GCM2: variants seen among roughly 807,000 people sequenced by gnomAD.
The protein encoded by GCM2 is chorion-specific transcription factor GCMb.
In GCM2, 21 loss-of-function variants were observed where a neutral mutation model predicts 24.8. The observed-to-expected ratio is 0.85, with a 90% CI of 0.60 to 1.22. GCM2 has a LOEUF of 1.22. Among genes scored for constraint, GCM2 ranks in the 50% most tolerant of loss-of-function variants. The probability of loss-of-function intolerance (pLI) is 0.00; values close to 1 mark genes in which losing one functional copy is unlikely to be tolerated. For synonymous variants in GCM2, 222 were observed against 238.0 expected (o/e 0.93, Z 0.62); for missense variants, 532 against 645.6 (o/e 0.82, Z 1.91).
chr6:10,878,426 C>A (rs1311427106), intron 1 of GCM2, among the ~76,000 whole-genome samples: 2 of 152,152 alleles, frequency 1.3e-5, no homozygotes, highest in African/African-American at 4.8e-5. Flanking sequence ...TCAAGTGATT[C>A]TCCTGCCTCA....
Position 10,874,524 on chromosome 6 carries a change from T to G in GCM2, c.992A>C (p.His331Pro), listed in dbSNP as rs777745508. 2 of 1,614,232 alleles carry G rather than the reference T, an allele frequency of 1.2e-6. No homozygotes were observed. The highest frequency in any genetic ancestry group is 3.3e-5 in the Admixed American group (2 of 60,024). ...TTTTCCAAGAGCTGGTTTCCAGCCATGCTGTTTGTTGGTGAAATCAAAGCT... is the reference window on the plus strand; with the variant it reads ...TTTTCCAAGAGCTGGTTTCCAGCCAGGCTGTTTGTTGGTGAAATCAAAGCT... Reference protein sequence around the residue: ...ERSFDFTNKQHGWKPALGKPS... With the variant: ...ERSFDFTNKQPGWKPALGKPS... The change falls in exon 5 of 5, where the codon CAT becomes CCT. Residue 331 changes from histidine to proline, a missense_variant. By Grantham distance (77) the His-to-Pro change is moderately conservative. This residue lies in a region of GCM2 where 434 missense variants were observed against 521.9 expected (regional missense o/e 0.83). Transcript: ENST00000379491.
Position 10,875,944 on chromosome 6 carries a change from T to C in GCM2, c.529A>G (p.Arg177Gly), listed in dbSNP as rs149712971. 6.2e-7 allele frequency: 1 copy of C among 1,613,840 alleles called. No individual in the cohort carries two copies. The highest frequency in any genetic ancestry group is 1.3e-5 in the African/African-American group (1 of 75,034). ...GGTTGGTAGAAAGAGGCCATTTGTC[T>C]CTTGATGGCGCTTCTTCTAGCTTCT... ...ETEARRSAIK[R>G]QMASFYQPQK... is the part of the protein sequence containing the mutation. Residue 177 changes from arginine (R) to glycine (G), a missense_variant, in exon 4 of 5, where the codon AGA (arginine) becomes GGA (glycine). Transcript: ENST00000379491.
In GCM2 at chr6:10,873,361, G is replaced by A. The variant is rs76143708; in HGVS notation, c.*634C>T. 0.016 allele frequency: 2,399 copies of A among 154,532 alleles called. 72 individuals carry two copies. The highest frequency in any genetic ancestry group is 0.053 in the African/African-American group (2,204 of 41,554). The allele number at this position is 154,532 out of a possible 1,614,324, so 9.6% of individuals were successfully genotyped here. On this transcript the variant is annotated 3_prime_UTR_variant, in exon 5 of 5. Transcript: ENST00000379491. The stretch of plus-strand genomic sequence containing the variant: ...TATGGAAACTATCATGTTATGAAAA[G>A]GTTATGAAAAGGTTAGGAAACTATC...
chr6:10,873,862 A>G lies in GCM2; in HGVS notation c.*133T>C. ...CAACTGATTATTTTCTCAGTTACTC[A>G]GAATTTTTACTACTATCTGTGTTTC... On this transcript the variant is annotated 3_prime_UTR_variant, in exon 5 of 5. Coordinates refer to ENST00000379491, the MANE Select transcript of GCM2 (RefSeq NM_004752.4). 1 of 743,160 alleles carries G rather than the reference A, an allele frequency of 1.3e-6. No homozygotes were observed. Among genetic ancestry groups the G allele is most frequent in the Admixed American group, 2.0e-5 (1 of 49,602 alleles). The allele number at this position is 743,160 out of a possible 1,614,324, so 46.0% of individuals were successfully genotyped here.
intron 1 of GCM2, among the ~76,000 whole-genome samples, chr6:10,881,346 C>T (rs1398086875): frequency 1.3e-5 from 2 of 151,892 alleles, no homozygotes; most frequent in Non-Finnish European, 1.5e-5. Flanking sequence ...TTGGTAGAGA[C>T]GGGGTTTCTC....
At chr6:10,878,323 T>A (rs1267219727) in intron 1 of GCM2, among the ~76,000 whole-genome samples, 2 of 152,166 alleles carry the variant, frequency 1.3e-5, no homozygotes, top group East Asian at 3.8e-4. Flanking sequence ...AGCACTTCCT[T>A]TTTTCTTTTT....
intron 1 of GCM2, among the ~76,000 whole-genome samples, chr6:10,881,308 G>A (rs920022484): frequency 6.6e-6 from 1 of 151,956 alleles, no homozygotes; most frequent in Non-Finnish European, 1.5e-5. Context: ...TTAGGCATGC[G>A]CCACCACGCT....
Position 10,881,865 on chromosome 6 carries a change from G to A in GCM2, c.-72C>T. On this transcript the variant is annotated 5_prime_UTR_variant, in exon 1 of 5. Transcript: ENST00000379491. ...AGAAAAAAGGACAGGTGCGCCAGGT[G>A]GGTTTTTTTTCTTCTCTTTAAAGAA... The A allele has an allele frequency of 1.6e-6, 2 of 1,276,188 alleles. No homozygotes were observed. The highest frequency in any genetic ancestry group is 2.4e-5 in the South Asian group (2 of 82,782). The allele number at this position is 1,276,188 out of a possible 1,614,324, so 79.1% of individuals were successfully genotyped here.
chr6:10,881,753 G>A lies in GCM2; in HGVS notation c.41C>T (p.Ser14Phe). ...AAVQEAVGVC[S>F]YGMQLSWDIN... ...GTCCCAGCTGAGCTGCATCCCGTAG[G>A]AGCACACGCCGACCGCTTCCTGCAC... is the stretch of plus-strand genomic sequence containing the variant. The change falls in exon 1 of 5, where the codon TCC becomes TTC. Residue 14 changes from serine to phenylalanine, a missense_variant. Physicochemically the swap from Ser to Phe is radical, Grantham distance 155 (BLOSUM62 -2). This residue lies in a region of GCM2 where 96 missense variants were observed against 103.5 expected (regional missense o/e 0.93). Coordinates refer to ENST00000379491, the MANE Select transcript of GCM2 (RefSeq NM_004752.4). The A allele has an allele frequency of 1.2e-6, 2 of 1,610,936 alleles. No homozygotes were observed. The highest frequency in any genetic ancestry group is 8.5e-7 in the Non-Finnish European group (1 of 1,179,998).
In GCM2 at chr6:10,876,759, G is replaced by T. The variant is rs571830066; in HGVS notation, c.344-202C>A. On this transcript the variant is annotated intron_variant, in intron 2 of 4. Transcript: ENST00000379491. ...AGCCTGACCAACATGGAGAAACCTT[G>T]TCTCTACTAAAAATACAAAATTAGC... Among the ~76,000 whole-genome samples, 3 of 152,038 alleles carry T rather than the reference G, an allele frequency of 2.0e-5. No individual in the cohort carries two copies. The South Asian group carries it at 6.2e-4, about 32-fold the overall frequency.
Position 10,875,005 on chromosome 6 carries a change from T to A in GCM2, c.583-72A>T, listed in dbSNP as rs2076257. ...GACACCCTCACCTGTAACAATAGCCTAGAAGTAAGTAAAAACAGACATCCA... is the reference window on the plus strand; with the variant it reads ...GACACCCTCACCTGTAACAATAGCCAAGAAGTAAGTAAAAACAGACATCCA... On this transcript the variant is annotated intron_variant, in intron 4 of 4. Transcript: ENST00000379491. 0.36 allele frequency: 377,635 copies of A among 1,034,880 alleles called. 72,693 individuals carry two copies. The highest frequency in any genetic ancestry group is 0.67 in the East Asian group (27,931 of 41,994). The allele number at this position is 1,034,880 out of a possible 1,614,324, so 64.1% of individuals were successfully genotyped here.
At position 10,874,288 on chromosome 6, in the gene GCM2, T is replaced by C; in HGVS notation, c.1228A>G (p.Ser410Gly). 9 of 1,614,194 alleles carry C rather than the reference T, an allele frequency of 5.6e-6. No homozygotes were observed. Among genetic ancestry groups the C allele is most frequent in the Non-Finnish European group, 7.6e-6 (9 of 1,180,044 alleles). Residue 410 changes from serine to glycine, a missense_variant, in exon 5 of 5, where the codon AGC becomes GGC. This residue lies in a region of GCM2 where 434 missense variants were observed against 521.9 expected (regional missense o/e 0.83). Coordinates refer to ENST00000379491, the MANE Select transcript of GCM2 (RefSeq NM_004752.4). ...KYSDSVREVK[S>G]LSSCNYAPED... The stretch of plus-strand genomic sequence containing the variant: ...GGAGCATAGTTACAGCTCGAAAGGC[T>C]CTTCACCTCTCGCACACTGTCACTG...
chr6:10,881,319 G>C (rs1047508953), intron 1 of GCM2, among the ~76,000 whole-genome samples: 3 of 152,084 alleles, frequency 2.0e-5, no homozygotes, highest in African/African-American at 7.2e-5. Flanking sequence ...CCACCACGCT[G>C]GGCTGATTTT....
chr6:10,876,518 A>T lies in GCM2; in HGVS notation c.383T>A (p.Ile128Asn). The T allele has an allele frequency of 6.2e-7, 1 of 1,613,964 alleles. No homozygotes were observed. The highest frequency in any genetic ancestry group is 8.5e-7 in the Non-Finnish European group (1 of 1,179,814). The stretch of plus-strand genomic sequence containing the variant: ...GTATCCGCTGTGCCCTCGACAAGGA[A>T]TCAACTCCAAAGCAGAATGACAGTT... ...CPNCHSALEL[I>N]PCRGHSGYPV... The change falls in exon 3 of 5, where the codon ATT becomes AAT. Residue 128 changes from isoleucine to asparagine, a missense_variant. Around this residue, in one of 3 missense-constraint regions of GCM2, gnomAD observed 434 missense variants for 521.9 expected, o/e 0.83. Transcript: ENST00000379491.
Position 10,881,797 on chromosome 6 carries a change from C to T in GCM2, c.-4G>A, listed in dbSNP as rs1051334788. On this transcript the variant is annotated 5_prime_UTR_variant, in exon 1 of 5. Transcript: ENST00000379491. ...CCTGCACCGCGGCCGCCGGCATCTG[C>T]CCAACTCGCTCGCGCTTTCCGCCCA... The T allele has an allele frequency of 6.2e-7, 1 of 1,606,104 alleles. No homozygotes were observed.
rs773094589 is a variant in GCM2 at position 10,881,807 on chromosome 6, T to A, written c.-14A>T. The A allele has an allele frequency of 1.2e-6, 2 of 1,603,488 alleles. No homozygotes were observed. Among genetic ancestry groups the A allele is most frequent in the Non-Finnish European group, 1.7e-6 (2 of 1,177,990 alleles). ...GGCCGCCGGCATCTGCCCAACTCGC[T>A]CGCGCTTTCCGCCCAGGGTTCTGAA... On this transcript the variant is annotated 5_prime_UTR_variant, in exon 1 of 5. Coordinates refer to ENST00000379491, the MANE Select transcript of GCM2 (RefSeq NM_004752.4).
chr6:10,881,510 T>C (rs1318910411), intron 1 of GCM2, among the ~76,000 whole-genome samples, 194 bp downstream of exon 1: 6 of 151,770 alleles, frequency 4.0e-5, no homozygotes, highest in African/African-American at 1.5e-4. Context: ...CCAGTTTTCT[T>C]TCTACACTTG....
rs554252247 is a variant in GCM2 at position 10,876,785 on chromosome 6, C to T, written c.344-228G>A. ...TCTCTACTAAAAATACAAAATTAGC[C>T]GGGTGTGGTGGCTCACGCCTCTAAT... On this transcript the variant is annotated intron_variant, in intron 2 of 4. Transcript: ENST00000379491. 1.4e-4 allele frequency among the ~76,000 whole-genome samples: 21 copies of T among 152,282 alleles called. No individual in the cohort carries two copies. In the South Asian group the frequency reaches 3.1e-3, roughly 23 times the overall value.
chr6:10,875,245 G>A (rs1779861501), intron 4 of GCM2, among the ~76,000 whole-genome samples: 1 of 152,154 alleles, frequency 6.6e-6, no homozygotes, highest in Non-Finnish European at 1.5e-5. Context: ...AGCCACACGG[G>A]CCTGGGTTCA....
Sources: allele counts gnomAD v4.1 joint callset (sites outside exome capture counted in the v4.1 genomes callset), GRCh38; gene constraint gnomAD v4.1.1; regional missense constraint gnomAD v4.1.1; transcripts MANE v1.5; gene names NCBI Gene and HGNC (gene_info 2026-07-23, HGNC 2026-07-21).